COPZ2: variants seen among roughly 807,000 people sequenced by gnomAD.
The protein encoded by COPZ2 is coatomer subunit zeta-2.
In COPZ2, 30 loss-of-function variants were observed where a neutral mutation model predicts 33.2. That is an observed-to-expected ratio of 0.90 (90% CI 0.68 to 1.23). COPZ2 has a LOEUF of 1.23. Among genes scored for constraint, COPZ2 ranks in the 50% most tolerant of loss-of-function variants. The probability of loss-of-function intolerance (pLI) is 0.00; values close to 1 mark genes in which losing one functional copy is unlikely to be tolerated. For missense variants in COPZ2, 263 were observed against 262.4 expected (o/e 1.00, Z -0.02); for synonymous variants, 89 against 102.6 (o/e 0.87, Z 0.80).
chr17:48,034,484 G>A (rs535403175), intron 2 of COPZ2, among the ~76,000 whole-genome samples: 10 of 152,126 alleles, frequency 6.6e-5, no homozygotes, highest in Non-Finnish European at 1.2e-4. Context: ...GTCCCCTCCT[G>A]GTTTCTTGGA....
At chr17:48,029,978 ATTT>A (rs974122820) in intron 6 of COPZ2, among the ~76,000 whole-genome samples, 1 of 141,024 alleles carries the variant, frequency 7.1e-6, no homozygotes, top group African/African-American at 2.7e-5. Flanking sequence ...AAAAAAAAAA[ATTT>A]TTTTTTTAAA....
rs1202356456 is a variant in COPZ2, at chr17:48,037,138, C to A, written c.112-213G>T. 1 of 765,348 alleles carries A rather than the reference C, an allele frequency of 1.3e-6. No homozygotes were observed. The highest frequency in any genetic ancestry group is 2.4e-6 in the Non-Finnish European group (1 of 409,484). The allele number at this position is 765,348 out of a possible 1,614,324, so 47.4% of individuals were successfully genotyped here. ...TGTTCCACTGCAGGCCCCGAGTGGGCGCTGTGCCCGTTGGGTGCAGAAGGT... is the reference window on the plus strand; with the variant it reads ...TGTTCCACTGCAGGCCCCGAGTGGGAGCTGTGCCCGTTGGGTGCAGAAGGT... On this transcript the variant is annotated intron_variant, in intron 1 of 8. Transcript: ENST00000621465. The surrounding 1 kb of genome is among the most constrained non-coding windows in gnomAD (Gnocchi z 5.6).
In COPZ2 at chr17:48,030,560, C is replaced by T. The variant is rs542158473; in HGVS notation, c.495-1384G>A. Among the ~76,000 whole-genome samples, 252 of 152,282 alleles carry T rather than the reference C, an allele frequency of 1.7e-3. 1 individual carries two copies. Among genetic ancestry groups the T allele is most frequent in the Admixed American group, 3.8e-3 (58 of 15,292 alleles). On this transcript the variant is annotated intron_variant, in intron 6 of 8. Transcript: ENST00000621465. ...TTTGTTACTAAATCACTGGAAATGA[C>T]AAACATTTCTTGGGAGCCTCTTCCA...
upstream of COPZ2, among the ~76,000 whole-genome samples, chr17:48,038,880 CA>C (rs1431500834): frequency 6.6e-6 from 1 of 152,242 alleles, no homozygotes; most frequent in African/African-American, 2.4e-5. Flanking sequence ...TCCTGACAGC[CA>C]CCATATCTGA....
At chr17:48,044,341 T>C in the COPZ2 span, among the ~76,000 whole-genome samples, 1 of 144,678 alleles carries the variant, frequency 6.9e-6, no homozygotes, top group Non-Finnish European at 1.5e-5. Flanking sequence ...AGCGACTCCA[T>C]CTCAAAAAAA....
chr17:48,030,143 C>T (rs375520691), intron 6 of COPZ2, among the ~76,000 whole-genome samples: 5 of 151,250 alleles, frequency 3.3e-5, no homozygotes, highest in East Asian at 3.9e-4. Flanking sequence ...AAAAATTAGC[C>T]GGTAATGGTG....
At chr17:48,032,896 G>A in intron 4 of COPZ2, 155 bp from the exon 5 acceptor site, 2 of 643,982 alleles carry the variant, frequency 3.1e-6, no homozygotes, top group South Asian at 3.8e-5. Context: ...GAACTTCCAT[G>A]TGTCTGGGCT....
At chr17:48,047,955 C>T in the COPZ2 span, 1 of 152,336 alleles carries the variant, frequency 6.6e-6, no homozygotes, top group African/African-American at 2.4e-5. Flanking sequence ...GGCGGCGATA[C>T]ACCTTCCTAT....
chr17:48,026,757 T>G (rs951029546), intron 8 of COPZ2, among the ~76,000 whole-genome samples: 1 of 152,242 alleles, frequency 6.6e-6, no homozygotes, highest in African/African-American at 2.4e-5. Context: ...GTCTCCCCGC[T>G]GTCATGCCAT....
the COPZ2 span, chr17:48,045,969 T>C: frequency 6.6e-6 from 1 of 152,246 alleles, no homozygotes; most frequent in Non-Finnish European, 1.5e-5. Flanking sequence ...CTAGACAGAA[T>C]GGAAGACAGT....
chr17:48,029,138 T>C lies in COPZ2; in HGVS notation c.533A>G (p.Lys178Arg). ...GAAGACTCTTACCCTAAAATTCACCTTCTGGATCACTTGCTGGGGGTCACT... is the reference window on the plus strand; with the variant it reads ...GAAGACTCTTACCCTAAAATTCACCCTCTGGATCACTTGCTGGGGGTCACT... ...LESDPQQVIQ[K>R]VNFRADDGGL... Residue 178 changes from lysine to arginine, a missense_variant, in exon 7 of 9, where the codon AAG becomes AGG. Physicochemically the swap from Lys to Arg is conservative, Grantham distance 26. Transcript: ENST00000621465. 1.3e-6 allele frequency: 2 copies of C among 1,578,722 alleles called. No individual in the cohort carries two copies. The highest frequency in any genetic ancestry group is 1.7e-6 in the Non-Finnish European group (2 of 1,162,032).
upstream of COPZ2, among the ~76,000 whole-genome samples, chr17:48,039,211 C>G (rs2037036229): frequency 6.6e-6 from 1 of 151,920 alleles, no homozygotes; most frequent in African/African-American, 2.4e-5. Flanking sequence ...TGGCTCACAT[C>G]TGTAATCCCA....
Position 48,028,275 on chromosome 17 carries a change from C to T in COPZ2, c.585+197G>A, listed in dbSNP as rs538138881. On this transcript the variant is annotated intron_variant, in intron 8 of 8. Transcript: ENST00000621465. This position sits in a 1 kb window ranked among gnomAD's most constrained non-coding sequence, Gnocchi z 4.5. ...CCCATCCATCCATTAGTACCCAGCTCCCCTGAGTTGGAGAGCCCGGAGGCC... is the reference window on the plus strand; with the variant it reads ...CCCATCCATCCATTAGTACCCAGCTTCCCTGAGTTGGAGAGCCCGGAGGCC... 2.0e-5 allele frequency among the ~76,000 whole-genome samples: 3 copies of T among 152,280 alleles called. No homozygotes were observed. In the East Asian group the frequency reaches 5.8e-4, roughly 29 times the overall value.
In COPZ2 at chr17:48,026,481, G is replaced by A. The variant is rs2036818674; in HGVS notation, c.586-6C>T. On this transcript the variant is annotated splice_region_variant and splice_polypyrimidine_tract_variant and intron_variant, in intron 8 of 8. Coordinates refer to ENST00000621465, the MANE Select transcript of COPZ2 (RefSeq NM_016429.4). Reference sequence around the variant, plus strand: ...TCCTTGGCAGACTGAAGAACCTGGGGTGGGGTGGGGGAGGTTGAGAGAGAA... The same window carrying A: ...TCCTTGGCAGACTGAAGAACCTGGGATGGGGTGGGGGAGGTTGAGAGAGAA... 2 of 1,605,492 alleles carry A rather than the reference G, an allele frequency of 1.2e-6. No homozygotes were observed. Among genetic ancestry groups the A allele is most frequent in the Non-Finnish European group, 1.7e-6 (2 of 1,172,454 alleles).
upstream of COPZ2, among the ~76,000 whole-genome samples, chr17:48,043,015 A>T (rs2037076218): frequency 6.6e-6 from 1 of 152,240 alleles, no homozygotes; most frequent in South Asian, 2.1e-4. Context: ...GCATGGCCCT[A>T]AGAGGACTTT....
At chr17:48,035,584 TTTTTG>T (rs554066716) in intron 2 of COPZ2, among the ~76,000 whole-genome samples, 8 of 151,746 alleles carry the variant, frequency 5.3e-5, no homozygotes, top group Non-Finnish European at 1.0e-4. Context: ...TTGTTTTTTG[TTTTTG>T]TTTTGTTTTG....
At chr17:48,030,092 T>A (rs538762899) in intron 6 of COPZ2, among the ~76,000 whole-genome samples, 1 of 152,090 alleles carries the variant, frequency 6.6e-6, no homozygotes, top group East Asian at 1.9e-4. Context: ...GAGACCAGCC[T>A]GGCCAATATG....
intron 7 of COPZ2, 72 bp downstream of exon 7, chr17:48,029,053 C>T (rs1162350706): frequency 2.2e-6 from 3 of 1,391,800 alleles, no homozygotes; most frequent in Non-Finnish European, 2.0e-6. Context: ...ACCATCTAGG[C>T]CCTAGCAGCC....
intron 2 of COPZ2, 130 bp from the exon 3 acceptor site, chr17:48,034,074 G>A (rs1034330753): frequency 3.1e-6 from 2 of 640,098 alleles, no homozygotes; most frequent in Non-Finnish European, 5.7e-6. Flanking sequence ...CTCCATTACT[G>A]CACCCTAGGC....
Sources: gnomAD v4.1 joint callset for allele counts (sites outside exome capture counted in the v4.1 genomes callset) on GRCh38, gnomAD v4.1.1 for gene constraint, Gnocchi (gnomAD v3.1) non-coding constraint, MANE v1.5 for transcripts, NCBI Gene and HGNC (gene_info 2026-07-23, HGNC 2026-07-21) for gene names.